MDGA2: variants seen among roughly 807,000 people sequenced by gnomAD.
MDGA2 encodes MAM domain containing glycosylphosphatidylinositol anchor 2.
Under a neutral mutation model 117.8 loss-of-function variants are expected in MDGA2, and 40 were observed. The observed-to-expected ratio is 0.34, with a 90% CI of 0.26 to 0.44. MDGA2 has a LOEUF of 0.44. Among genes scored for constraint, MDGA2 ranks in the 20% least tolerant of loss-of-function variants. MDGA2 has a pLI of 1.00. For missense variants in MDGA2, 1,123 were observed against 1,250.6 expected, an observed-to-expected ratio of 0.90 and a Z score of 1.54; for synonymous variants, 452 against 439.0, an observed-to-expected ratio of 1.03 and a Z score of -0.37.
At chr14:47,067,957 C>T (rs139692909) in intron 6 of MDGA2, among the ~76,000 whole-genome samples, 33 of 152,114 alleles carry the variant, frequency 2.2e-4, no homozygotes, top group African/African-American at 8.0e-4. Flanking sequence ...CTCCATTTGC[C>T]AATCTAGTCT....
Position 47,498,670 on chromosome 14 carries a change from C to T in MDGA2, c.280+175847G>A, listed in dbSNP as rs138509886. Among the ~76,000 whole-genome samples the T allele has an allele frequency of 4.6e-3, 700 of 152,086 alleles. 3 individuals carry two copies. Among genetic ancestry groups the T allele is most frequent in the African/African-American group, 0.015 (638 of 41,498 alleles). Reference sequence around the variant, plus strand: ...ATAATGGCATTACTTAAATTGTTATCGAATGCACTGGAACAAGTATTTCCA... The same window carrying T: ...ATAATGGCATTACTTAAATTGTTATTGAATGCACTGGAACAAGTATTTCCA... On this transcript the variant is annotated intron_variant, in intron 1 of 16. Coordinates refer to ENST00000399232, the MANE Select transcript of MDGA2 (RefSeq NM_001113498.3).
chr14:47,430,009 G>A (rs1892767437), intron 1 of MDGA2, among the ~76,000 whole-genome samples: 2 of 149,898 alleles, frequency 1.3e-5, no homozygotes, highest in Admixed American at 1.4e-4. Flanking sequence ...AGGTGGGAAA[G>A]AGAGGAGGAC....
intron 1 of MDGA2, among the ~76,000 whole-genome samples, chr14:47,403,309 C>A (rs1479516492): frequency 6.7e-6 from 1 of 149,416 alleles, no homozygotes; most frequent in African/African-American, 2.4e-5. Context: ...CCTTAAAAAT[C>A]TTCTCTTATT....
chr14:47,131,066 CA>C (rs1303541339), intron 5 of MDGA2, among the ~76,000 whole-genome samples: 4 of 151,744 alleles, frequency 2.6e-5, no homozygotes, highest in Non-Finnish European at 5.9e-5. Flanking sequence ...TGGAGTTTCT[CA>C]AAACCAGTTC....
At chr14:47,360,764 CT>C (rs1488944131) in intron 1 of MDGA2, among the ~76,000 whole-genome samples, 24 of 152,236 alleles carry the variant, frequency 1.6e-4, no homozygotes, top group South Asian at 2.1e-4. Context: ...GTAGAGATAT[CT>C]GTGCTGCCAT....
At chr14:46,874,981 A>G (rs1339430433) in intron 12 of MDGA2, among the ~76,000 whole-genome samples, 1 of 151,780 alleles carries the variant, frequency 6.6e-6, no homozygotes, top group East Asian at 1.9e-4. Context: ...TAAGTTGGTA[A>G]GGTCCACTAG....
At chr14:47,029,784 T>C (rs1254152731) in intron 8 of MDGA2, among the ~76,000 whole-genome samples, 1 of 152,144 alleles carries the variant, frequency 6.6e-6, no homozygotes, top group Non-Finnish European at 1.5e-5. Flanking sequence ...AAACAATACT[T>C]TCTTTTAGGA....
intron 5 of MDGA2, among the ~76,000 whole-genome samples, chr14:47,120,931 A>G (rs1881618263): frequency 6.6e-6 from 1 of 152,224 alleles, no homozygotes; most frequent in Non-Finnish European, 1.5e-5. Context: ...CCTCTGTAAT[A>G]TTAACAGTGG....
chr14:47,548,341 T>C (rs1895505398), intron 1 of MDGA2, among the ~76,000 whole-genome samples: 1 of 152,200 alleles, frequency 6.6e-6, no homozygotes. Flanking sequence ...GCTTTCCTGT[T>C]TCTTGCGACT....
At chr14:47,589,779 A>C (rs1896401323) in intron 1 of MDGA2, among the ~76,000 whole-genome samples, 1 of 151,998 alleles carries the variant, frequency 6.6e-6, no homozygotes. Context: ...TAATAAGAGT[A>C]AGTCTTCCAA....
At chr14:47,399,206 A>G (rs995236822) in intron 1 of MDGA2, among the ~76,000 whole-genome samples, 8 of 152,172 alleles carry the variant, frequency 5.3e-5, no homozygotes, top group African/African-American at 1.9e-4. Context: ...ATAAGAAAGA[A>G]GGAAGCATCC....
intron 1 of MDGA2, among the ~76,000 whole-genome samples, chr14:47,595,829 T>C (rs188225971): frequency 6.6e-6 from 1 of 152,284 alleles, no homozygotes; most frequent in African/African-American, 2.4e-5. Flanking sequence ...TATGATTAGG[T>C]AGTTTTCAAA....
chr14:47,323,277 T>C (rs1376022568), intron 1 of MDGA2, among the ~76,000 whole-genome samples: 3 of 150,634 alleles, frequency 2.0e-5, no homozygotes, highest in African/African-American at 4.9e-5. Context: ...TTTAAATGAC[T>C]TGTGGCTTGA....
chr14:46,972,194 G>T (rs1886297047), intron 8 of MDGA2, among the ~76,000 whole-genome samples: 1 of 152,084 alleles, frequency 6.6e-6, no homozygotes, highest in African/African-American at 2.4e-5. Flanking sequence ...GCTAACTCAG[G>T]ATATTTACTG....
At chr14:47,411,016 T>A (rs1283974735) in intron 1 of MDGA2, among the ~76,000 whole-genome samples, 1 of 152,170 alleles carries the variant, frequency 6.6e-6, no homozygotes, top group African/African-American at 2.4e-5. Context: ...AAGTTCACCA[T>A]AATGTGTTTG....
chr14:47,600,391 G>A lies in MDGA2; in HGVS notation c.280+74126C>T, dbSNP rs577369477. 9.2e-5 allele frequency among the ~76,000 whole-genome samples: 14 copies of A among 151,998 alleles called. No individual in the cohort carries two copies. The South Asian group carries it at 1.2e-3, about 14-fold the overall frequency. On this transcript the variant is annotated intron_variant, in intron 1 of 16. Transcript: ENST00000399232. ...AGAGTTTGCAGTCAGCGGCAATCACGCCACCACACTCCAGCTCGGATGACA... is the reference window on the plus strand; with the variant it reads ...AGAGTTTGCAGTCAGCGGCAATCACACCACCACACTCCAGCTCGGATGACA...
At chr14:46,965,864 G>A (rs1886008526) in intron 8 of MDGA2, among the ~76,000 whole-genome samples, 1 of 152,018 alleles carries the variant, frequency 6.6e-6, no homozygotes, top group Admixed American at 6.6e-5. Flanking sequence ...TCAACATGAA[G>A]GAAATGAAAT....
intron 8 of MDGA2, among the ~76,000 whole-genome samples, chr14:46,973,590 T>G (rs559296412): frequency 5.9e-5 from 9 of 152,152 alleles, no homozygotes; most frequent in African/African-American, 2.2e-4. Flanking sequence ...AAAAAATGAA[T>G]GGAGATTTAG....
intron 8 of MDGA2, among the ~76,000 whole-genome samples, chr14:46,991,074 T>C (rs1887076709): frequency 6.6e-6 from 1 of 152,146 alleles, no homozygotes; most frequent in South Asian, 2.1e-4. Flanking sequence ...GTAGTGGTAA[T>C]ATATTTAACT....
Sources: allele counts gnomAD v4.1 joint callset (sites outside exome capture counted in the v4.1 genomes callset), GRCh38; gene constraint gnomAD v4.1.1; transcripts MANE v1.5; gene names NCBI Gene and HGNC (gene_info 2026-07-23, HGNC 2026-07-21).